ADAMTS10: variants seen among roughly 807,000 people sequenced by gnomAD.
The protein encoded by ADAMTS10 is ADAM metallopeptidase with thrombospondin type 1 motif 10.
Under a neutral mutation model 135.9 loss-of-function variants are expected in ADAMTS10, and 48 were observed. That is an observed-to-expected ratio of 0.35 (90% CI 0.28 to 0.45). ADAMTS10 has a LOEUF of 0.45. ADAMTS10 is among the 20% of genes least tolerant of loss of function. The pLI is 1.00. For missense variants in ADAMTS10, 1,131 were observed against 1,565.2 expected, an observed-to-expected ratio of 0.72 and a Z score of 4.68; for synonymous variants, 621 against 647.5, an observed-to-expected ratio of 0.96 and a Z score of 0.62.
intron 2 of ADAMTS10, among the ~76,000 whole-genome samples, chr19:8,606,442 C>T (rs1371170872): frequency 6.6e-6 from 1 of 152,140 alleles, no homozygotes; most frequent in East Asian, 1.9e-4. Context: ...CACTATGTGA[C>T]CCAGGCTGGA....
Position 8,580,635 on chromosome 19 carries a change from C to G in ADAMTS10, c.*258G>C. ...GGGTGCTGGGGTGAACAGCTGTCCC[C>G]TCCCCAGACCCACCCTGGAGGGGGG... On this transcript the variant is annotated 3_prime_UTR_variant, in exon 26 of 26. Transcript: ENST00000597188. 1 of 479,512 alleles carries G rather than the reference C, an allele frequency of 2.1e-6. No individual in the cohort carries two copies. The highest frequency in any genetic ancestry group is 3.8e-6 in the Non-Finnish European group (1 of 260,546). 29.7% of individuals were successfully genotyped at this position (479,512 alleles called of 1,614,324 possible).
At chr19:8,581,861 A>C (rs1329994622) in intron 25 of ADAMTS10, among the ~76,000 whole-genome samples, 1 of 73,952 alleles carries the variant, frequency 1.4e-5, no homozygotes. Context: ...ACAAAAAAAC[A>C]AAAAAAAAAA....
In ADAMTS10 at chr19:8,605,148, C is replaced by G. The variant is rs781889127; in HGVS notation, c.299G>C (p.Gly100Ala). 1.2e-6 allele frequency: 2 copies of G among 1,613,840 alleles called. No homozygotes were observed. The highest frequency in any genetic ancestry group is 2.7e-5 in the African/African-American group (2 of 74,920). Residue 100 changes from glycine to alanine, a missense_variant, in exon 4 of 26, where the codon GGG (glycine) becomes GCG (alanine). Transcript: ENST00000597188. The surrounding 1 kb of genome is among the most constrained non-coding windows in gnomAD (Gnocchi z 7.7). ...NLTRSSRLLA[G>A]HVSVEYWTRE... is the part of the protein sequence containing the mutation. ...TGTCCAGTACTCCACGGAGACGTGC[C>G]CTGCCAGTAGACGGGAGCTGCGGGT...
At chr19:8,609,939 C>A (rs569449344) in intron 1 of ADAMTS10, among the ~76,000 whole-genome samples, 16 of 151,984 alleles carry the variant, frequency 1.1e-4, no homozygotes, top group Admixed American at 5.9e-4. Flanking sequence ...AGACACACAA[C>A]CACACACTCC....
At chr19:8,595,079 G>A (rs2042586257) in intron 12 of ADAMTS10, among the ~76,000 whole-genome samples, 1 of 152,168 alleles carries the variant, frequency 6.6e-6, no homozygotes, top group Non-Finnish European at 1.5e-5. Flanking sequence ...GGGCCCCTAG[G>A]GCTGAGACTG....
intron 12 of ADAMTS10, chr19:8,593,081 G>A (rs1271908811): frequency 1.6e-5 from 10 of 617,712 alleles, no homozygotes; most frequent in Non-Finnish European, 2.9e-5. Flanking sequence ...CATTTATGGA[G>A]CACTTTATAC....
intron 4 of ADAMTS10, among the ~76,000 whole-genome samples, chr19:8,604,114 A>T (rs1377485171): frequency 3.3e-5 from 5 of 151,422 alleles, no homozygotes; most frequent in Admixed American, 3.3e-4. Flanking sequence ...GCAGTGGTGC[A>T]ATCGTAGCTC....
chr19:8,586,022 C>G, intron 22 of ADAMTS10, 100 bp downstream of exon 22: 4 of 1,583,290 alleles, frequency 2.5e-6, no homozygotes, highest in African/African-American at 1.3e-5. Context: ...CACTCCGACT[C>G]TGCACTAATC....
At chr19:8,590,790 T>C (rs1371148316) in intron 15 of ADAMTS10, among the ~76,000 whole-genome samples, 1 of 151,438 alleles carries the variant, frequency 6.6e-6, no homozygotes, top group African/African-American at 2.4e-5. Flanking sequence ...GAGATGGGGT[T>C]TTGCCATGTT....
At chr19:8,593,440 C>G (rs551399089) in intron 12 of ADAMTS10, 74 of 159,178 alleles carry the variant, frequency 4.6e-4, no homozygotes, top group Middle Eastern at 3.3e-3. Flanking sequence ...TCTTTGTTCC[C>G]CCATCTAAAC....
At position 8,589,285 on chromosome 19, in the gene ADAMTS10, G is replaced by C; in HGVS notation, c.2115C>G (p.Cys705Trp). Residue 705 changes from cysteine to tryptophan, a missense_variant, in exon 18 of 26, where the codon TGC (cysteine) becomes TGG (tryptophan). By Grantham distance (215) the Cys-to-Trp change is radical. Around this residue, in one of 3 missense-constraint regions of ADAMTS10, gnomAD observed 745 missense variants for 1,056.3 expected, o/e 0.71. Coordinates refer to ENST00000597188, the MANE Select transcript of ADAMTS10 (RefSeq NM_030957.4). ...CRVCGGDGSA[C>W]ETIEGVFSPA... ...GGCTGAAGACGCCCTCGATGGTCTC[G>C]CAGGCACTGCCGTCACCGCCACACA... 1 of 1,612,432 alleles carries C rather than the reference G, an allele frequency of 6.2e-7. No homozygotes were observed. The highest frequency in any genetic ancestry group is 8.5e-7 in the Non-Finnish European group (1 of 1,179,928).
intron 13 of ADAMTS10, among the ~76,000 whole-genome samples, 200 bp downstream of exon 13, chr19:8,592,563 G>C (rs945483647): frequency 4.6e-5 from 7 of 151,562 alleles, no homozygotes; most frequent in African/African-American, 1.5e-4. Context: ...CCAGAACCAA[G>C]GGACGCATAG....
rs1262508116 is a variant in ADAMTS10 at position 8,595,653 on chromosome 19, G to A, written c.1479+109C>T. ...GGGGGCTCACCTCACCCCCCTTCCC[G>A]GTTCTCCCACCCCCTCACTTCCCAG... On this transcript the variant is annotated intron_variant, in intron 12 of 25. Coordinates refer to ENST00000597188, the MANE Select transcript of ADAMTS10 (RefSeq NM_030957.4). 1.4e-5 allele frequency: 22 copies of A among 1,543,646 alleles called. No homozygotes were observed. The South Asian group carries it at 2.0e-4, about 14-fold the overall frequency.
intron 23 of ADAMTS10, 60 bp downstream of exon 23, chr19:8,585,396 C>G (rs2146039573): frequency 6.5e-7 from 1 of 1,535,642 alleles, no homozygotes; most frequent in African/African-American, 1.4e-5. Context: ...CGCGCAGAGG[C>G]GTCTCCGTGG....
chr19:8,603,707 T>A (rs2042690051), intron 5 of ADAMTS10, 21 bp downstream of exon 5: 4 of 1,613,918 alleles, frequency 2.5e-6, no homozygotes, highest in Non-Finnish European at 3.4e-6. Flanking sequence ...CCTCTGCCCA[T>A]CCCCAGAAAG....
In ADAMTS10 at chr19:8,605,296, C is replaced by A. The variant is rs572299536; in HGVS notation, c.151G>T (p.Gly51Trp). ...GGTGGCGAGAAGGCCAGCAGTGCCCCGTTGTGGTCCACGCGGGTGGGGAAG... is the reference window on the plus strand; with the variant it reads ...GGTGGCGAGAAGGCCAGCAGTGCCCAGTTGTGGTCCACGCGGGTGGGGAAG... ...IAFPTRVDHNGALLAFSPPPP... is the reference protein window; with the variant it reads ...IAFPTRVDHNWALLAFSPPPP... The change falls in exon 4 of 26, where the codon GGG becomes TGG. Residue 51 changes from glycine to tryptophan, a missense_variant. Gly to Trp is a radical substitution (Grantham distance 184). This residue lies in a region of ADAMTS10 where 306 missense variants were observed against 344.4 expected (regional missense o/e 0.89). Transcript: ENST00000597188. This position sits in a 1 kb window ranked among gnomAD's most constrained non-coding sequence, Gnocchi z 7.7. 6.2e-7 allele frequency: 1 copy of A among 1,612,138 alleles called. No homozygotes were observed. Among genetic ancestry groups the A allele is most frequent in the Non-Finnish European group, 8.5e-7 (1 of 1,179,208 alleles).
In ADAMTS10 at chr19:8,596,060, G is replaced by T. The variant is rs1330372868; in HGVS notation, c.1337+13C>A. On this transcript the variant is annotated intron_variant, in intron 11 of 25. Coordinates refer to ENST00000597188, the MANE Select transcript of ADAMTS10 (RefSeq NM_030957.4). This position sits in a 1 kb window ranked among gnomAD's most constrained non-coding sequence, Gnocchi z 7.2. The stretch of plus-strand genomic sequence containing the variant: ...TGTGACCCGCTCTGAGGGACACCCA[G>T]GTGCATCCTCACTCTAGAAAGCTGG... The T allele has an allele frequency of 1.2e-6, 2 of 1,614,154 alleles. No homozygotes were observed. Among genetic ancestry groups the T allele is most frequent in the South Asian group, 1.1e-5 (1 of 91,086 alleles).
Position 8,581,130 on chromosome 19 carries a change from C to CTTTTTTTTTTTTTTTTT in ADAMTS10, c.3203-145_3203-129dup, listed in dbSNP as rs369050914. 5.8e-4 allele frequency: 86 copies of CTTTTTTTTTTTTTTTTT among 147,302 alleles called. 3 individuals are homozygous for CTTTTTTTTTTTTTTTTT. The highest frequency in any genetic ancestry group is 7.3e-4 in the Non-Finnish European group (64 of 88,066). 9.1% of individuals were successfully genotyped at this position (147,302 alleles called of 1,614,324 possible). A position where few individuals can be genotyped will look rare whatever the true frequency, so the allele number is the denominator to read the frequency against. ...CTTGGTTTCTTTCTTTTTAAATTTA[C>CTTTTTTTTTTTTTTTTT]TTTTTTTTTTTTTTTTTTTTTTTTT... On this transcript the variant is annotated intron_variant, in intron 25 of 25. Coordinates refer to ENST00000597188, the MANE Select transcript of ADAMTS10 (RefSeq NM_030957.4).
At chr19:8,581,219 C>G (rs1490994375) in intron 25 of ADAMTS10, 3 of 352,664 alleles carry the variant, frequency 8.5e-6, no homozygotes, top group African/African-American at 7.0e-5. Context: ...TCAAGTGATC[C>G]TCTCACCTCA....
Sources: gnomAD v4.1 joint callset for allele counts (sites outside exome capture counted in the v4.1 genomes callset) on GRCh38, gnomAD v4.1.1 for gene constraint, gnomAD v4.1.1 regional missense constraint, Gnocchi (gnomAD v3.1) non-coding constraint, MANE v1.5 for transcripts, NCBI Gene and HGNC (gene_info 2026-07-23, HGNC 2026-07-21) for gene names.